TENM4: variants seen among roughly 807,000 people sequenced by gnomAD.
TENM4 encodes teneurin-4.
In TENM4, 82 loss-of-function variants were observed where a neutral mutation model predicts 243.3. The observed-to-expected ratio is 0.34, with a 90% CI of 0.28 to 0.40. The LOEUF (loss-of-function observed/expected upper bound fraction) is 0.40. Among genes scored for constraint, TENM4 ranks in the 10% least tolerant of loss-of-function variants. The pLI is 1.00. For missense variants in TENM4, 3,138 were observed against 3,673.3 expected (o/e 0.85, Z 3.77); for synonymous variants, 1,412 against 1,456.3 (o/e 0.97, Z 0.69).
intron 22 of TENM4, among the ~76,000 whole-genome samples, chr11:78,726,583 G>A (rs1486464345): frequency 6.6e-6 from 1 of 152,148 alleles, no homozygotes; most frequent in African/African-American, 2.4e-5. Context: ...GTTGGAGGTG[G>A]GGCCTGGTGG....
At chr11:79,393,554 C>CG (rs1858279996) in intron 1 of TENM4, among the ~76,000 whole-genome samples, 1 of 152,200 alleles carries the variant, frequency 6.6e-6, no homozygotes. Flanking sequence ...GATGGGACTG[C>CG]GTCAGCCCTC....
chr11:79,319,055 C>A (rs1246218309), intron 1 of TENM4, among the ~76,000 whole-genome samples: 4 of 152,182 alleles, frequency 2.6e-5, no homozygotes, highest in Admixed American at 6.5e-5. Context: ...CCTGCATTAC[C>A]TCATTGATCT....
intron 9 of TENM4, among the ~76,000 whole-genome samples, chr11:78,867,677 C>T (rs1476671788): frequency 2.0e-5 from 3 of 152,076 alleles, no homozygotes; most frequent in Non-Finnish European, 2.9e-5. Flanking sequence ...CACTACATGC[C>T]AAGTGCTTTA....
chr11:78,790,805 C>T (rs1857040288), intron 15 of TENM4, among the ~76,000 whole-genome samples: 1 of 152,140 alleles, frequency 6.6e-6, no homozygotes, highest in South Asian at 2.1e-4. Flanking sequence ...CACTCCTGGC[C>T]CTGCTTATCC....
chr11:79,058,919 C>A (rs897051986), intron 6 of TENM4, among the ~76,000 whole-genome samples: 75 of 152,126 alleles, frequency 4.9e-4, no homozygotes, highest in Non-Finnish European at 2.6e-4. Context: ...TGGGTTGCTG[C>A]AGTATTTTGA....
At chr11:78,876,206 G>A (rs752266505) in intron 9 of TENM4, among the ~76,000 whole-genome samples, 2 of 152,202 alleles carry the variant, frequency 1.3e-5, no homozygotes, top group Non-Finnish European at 2.9e-5. Context: ...CTGCTGGAGA[G>A]AAAAATTAAA....
chr11:79,223,704 A>G (rs1864206426), intron 2 of TENM4, among the ~76,000 whole-genome samples: 1 of 151,982 alleles, frequency 6.6e-6, no homozygotes. Flanking sequence ...TTAACACCCC[A>G]CTGTCTTCCA....
At chr11:79,370,779 T>TAAAAAAAAAAAAAAAAAAAA (rs544196671) in intron 1 of TENM4, among the ~76,000 whole-genome samples, 2 of 57,144 alleles carry the variant, frequency 3.5e-5, no homozygotes, top group African/African-American at 1.2e-4. Context: ...ACTCCTATGG[T>TAAAAAAAAAAAAAAAAAAAA]AAAAAAAAAA....
intron 3 of TENM4, among the ~76,000 whole-genome samples, chr11:79,182,597 GCT>G (rs1863305366): frequency 6.6e-6 from 1 of 152,092 alleles, no homozygotes; most frequent in Non-Finnish European, 1.5e-5. Context: ...AAAAACTTAT[GCT>G]CTCTGGAAAA....
intron 4 of TENM4, among the ~76,000 whole-genome samples, chr11:79,103,306 ATGT>A (rs1177644185): frequency 2.0e-5 from 3 of 152,168 alleles, no homozygotes; most frequent in Admixed American, 6.5e-5. Flanking sequence ...GAATAAAATA[ATGT>A]TGTATGATTA....
chr11:79,221,620 C>T (rs1279012335), intron 2 of TENM4, among the ~76,000 whole-genome samples: 1 of 151,996 alleles, frequency 6.6e-6, no homozygotes, highest in Admixed American at 6.6e-5. Flanking sequence ...GTGCTCACCC[C>T]TGCCTCTCCT....
At chr11:78,974,624 T>C (rs1374698528) in intron 6 of TENM4, among the ~76,000 whole-genome samples, 1 of 152,180 alleles carries the variant, frequency 6.6e-6, no homozygotes, top group African/African-American at 2.4e-5. Context: ...GGGCCTACCA[T>C]GGGCCTGACA....
intron 1 of TENM4, among the ~76,000 whole-genome samples, chr11:79,436,915 C>T (rs145522560): frequency 1.8e-3 from 277 of 152,354 alleles, no homozygotes; most frequent in African/African-American, 6.2e-3. Flanking sequence ...CAGTTCAAGA[C>T]ACATGCTGGA....
At position 78,792,545 on chromosome 11, in the gene TENM4, G is replaced by T. The variant is rs114160518; in HGVS notation, c.2180-5462C>A. Among the ~76,000 whole-genome samples, 569 of 152,198 alleles carry T rather than the reference G, an allele frequency of 3.7e-3. 11 individuals carry two copies. The highest frequency in any genetic ancestry group is 0.013 in the African/African-American group (552 of 41,512). On this transcript the variant is annotated intron_variant, in intron 15 of 33. Transcript: ENST00000278550. The stretch of plus-strand genomic sequence containing the variant: ...CCTTTCCCTACCCCACCTCTTCCCT[G>T]CCTCACCCGTGCACTGTCCTCTCTC...
chr11:78,903,743 C>T, intron 6 of TENM4: 1 of 765,530 alleles, frequency 1.3e-6, no homozygotes, highest in East Asian at 2.7e-5. Flanking sequence ...AATTCCCGTC[C>T]CCACTGAGCT....
At chr11:79,299,680 A>T (rs1444584852) in intron 1 of TENM4, among the ~76,000 whole-genome samples, 5 of 152,234 alleles carry the variant, frequency 3.3e-5, no homozygotes, top group Admixed American at 6.5e-5. Flanking sequence ...GAAAAGGCTG[A>T]TAACCTAATA....
chr11:79,233,883 C>T (rs1430039736), intron 2 of TENM4, among the ~76,000 whole-genome samples: 1 of 152,190 alleles, frequency 6.6e-6, no homozygotes, highest in Non-Finnish European at 1.5e-5. Context: ...GGAAGAGGCC[C>T]TTTCAATAGG....
Position 78,656,774 on chromosome 11 carries a change from G to C in TENM4, c.*1284C>G. On this transcript the variant is annotated 3_prime_UTR_variant, in exon 34 of 34. Coordinates refer to ENST00000278550, the MANE Select transcript of TENM4 (RefSeq NM_001098816.3). ...AACACATTGGGTGGGCTTCTCTAGA[G>C]GGGAAGCTGTTTCAGAACTTCAGGA... 2 of 370,282 alleles carry C rather than the reference G, an allele frequency of 5.4e-6. No homozygotes were observed. Among genetic ancestry groups the C allele is most frequent in the Non-Finnish European group, 9.6e-6 (2 of 208,618 alleles). The allele number at this position is 370,282 out of a possible 1,614,324, so 22.9% of individuals were successfully genotyped here.
intron 1 of TENM4, among the ~76,000 whole-genome samples, chr11:79,393,926 GC>G (rs1401004392): frequency 6.6e-6 from 1 of 152,144 alleles, no homozygotes; most frequent in Non-Finnish European, 1.5e-5. Context: ...GTAAGAACAG[GC>G]CTGGAGGAAG....
Sources: gnomAD v4.1 joint callset for allele counts (sites outside exome capture counted in the v4.1 genomes callset) on GRCh38, gnomAD v4.1.1 for gene constraint, MANE v1.5 for transcripts, NCBI Gene and HGNC (gene_info 2026-07-23, HGNC 2026-07-21) for gene names.